TSEN15: variants seen among roughly 807,000 people sequenced by gnomAD.
The protein encoded by TSEN15 is tRNA-splicing endonuclease subunit Sen15.
In TSEN15, 10 loss-of-function variants were observed where a neutral mutation model predicts 20.5. The ratio of observed to expected loss-of-function variants is 0.49; its 90% CI spans 0.30 to 0.83. TSEN15 has a LOEUF of 0.83. Ranked by LOEUF, TSEN15 falls within the 40% of genes least tolerant of loss-of-function variation. The pLI is 0.06. For synonymous variants in TSEN15, 72 were observed against 80.1 expected (o/e 0.90, Z 0.54); for missense variants, 180 against 218.6 (o/e 0.82, Z 1.11).
chr1:184,072,848 C>T lies in TSEN15; in HGVS notation c.*1C>T, dbSNP rs1470978777. 6.2e-6 allele frequency: 10 copies of T among 1,605,164 alleles called. No individual in the cohort carries two copies. The highest frequency in any genetic ancestry group is 3.3e-4 in the Middle Eastern group (2 of 6,014). On this transcript the variant is annotated 3_prime_UTR_variant, in exon 5 of 5. Transcript: ENST00000645668. ...CCAGAATATTTCTCTTAGAAGATGA[C>T]ATCCATGTTTCCTGATGCTTGTTTT...
At chr1:184,051,990 G>T in intron 1 of TSEN15, 100 bp downstream of exon 1, 1 of 1,218,068 alleles carries the variant, frequency 8.2e-7, no homozygotes, top group Non-Finnish European at 1.1e-6. Flanking sequence ...GGGAGACTGA[G>T]GACGCGCGCC....
At chr1:184,083,562 T>C (rs544546697) in intron 3 of TSEN15, among the ~76,000 whole-genome samples, 1 of 152,334 alleles carries the variant, frequency 6.6e-6, no homozygotes, top group South Asian at 2.1e-4. Context: ...TATACAATTA[T>C]TGTGGATTGT....
chr1:184,064,149 A>G (rs1484747735), intron 3 of TSEN15, among the ~76,000 whole-genome samples: 1 of 152,144 alleles, frequency 6.6e-6, no homozygotes, highest in Non-Finnish European at 1.5e-5. Context: ...TGATAAACGT[A>G]ATGACAGATA....
chr1:184,083,331 C>G (rs140599711), intron 3 of TSEN15, among the ~76,000 whole-genome samples: 194 of 152,310 alleles, frequency 1.3e-3, no homozygotes, highest in African/African-American at 4.4e-3. Context: ...TACAAGATCC[C>G]TTATATTTTG....
intron 3 of TSEN15, among the ~76,000 whole-genome samples, chr1:184,090,667 C>T (rs1050466895): frequency 3.9e-5 from 6 of 152,132 alleles, no homozygotes; most frequent in Non-Finnish European, 7.4e-5. Context: ...AAATTTTGCT[C>T]TTATCTTGTC....
intron 3 of TSEN15, among the ~76,000 whole-genome samples, chr1:184,065,446 T>C (rs565702869): frequency 3.3e-5 from 5 of 152,362 alleles, no homozygotes; most frequent in Admixed American, 3.3e-4. Context: ...AAATGCATAA[T>C]GTCATGTATT....
chr1:184,069,614 G>GT (rs1009137693), intron 3 of TSEN15, among the ~76,000 whole-genome samples: 4 of 151,976 alleles, frequency 2.6e-5, no homozygotes, highest in African/African-American at 9.7e-5. Flanking sequence ...ATCATATGTG[G>GT]TTTTTTAAGA....
chr1:184,072,792 G>A lies in TSEN15; in HGVS notation c.496-35G>A, dbSNP rs138244310. The A allele has an allele frequency of 1.5e-3, 2,323 of 1,585,260 alleles. 14 individuals are homozygous for A. Among genetic ancestry groups the A allele is most frequent in the African/African-American group, 7.1e-3 (523 of 73,496 alleles). On this transcript the variant is annotated intron_variant, in intron 4 of 4. Coordinates refer to ENST00000645668, the MANE Select transcript of TSEN15 (RefSeq NM_052965.4). ...TTGCTTTTGGATTACATTGTTTATC[G>A]GAGAAAAGTCCATCCTGATCTTTTT...
At chr1:184,087,721 C>A (rs1209765770) in intron 3 of TSEN15, among the ~76,000 whole-genome samples, 1 of 152,158 alleles carries the variant, frequency 6.6e-6, no homozygotes, top group Non-Finnish European at 1.5e-5. Context: ...TAGTAGGTCC[C>A]ATGACCATTT....
downstream of TSEN15, among the ~76,000 whole-genome samples, chr1:184,078,730 A>T (rs1392269948): frequency 2.0e-5 from 3 of 152,212 alleles, no homozygotes; most frequent in Non-Finnish European, 4.4e-5. Flanking sequence ...CAAATTTACA[A>T]TTAGAATAGA....
At position 184,073,908 on chromosome 1, in the gene TSEN15, C is replaced by T. The variant is rs113874303; in HGVS notation, c.*1061C>T. ...AATGTGGTGCCATAGTTTGTCATCCCTGGGTCTAGGAAATAGTCAATAAAC... is the reference window on the plus strand; with the variant it reads ...AATGTGGTGCCATAGTTTGTCATCCTTGGGTCTAGGAAATAGTCAATAAAC... On this transcript the variant is annotated 3_prime_UTR_variant, in exon 5 of 5. Coordinates refer to ENST00000645668, the MANE Select transcript of TSEN15 (RefSeq NM_052965.4). 2 of 152,064 alleles carry T rather than the reference C, an allele frequency of 1.3e-5. No homozygotes were observed. Among genetic ancestry groups the T allele is most frequent in the African/African-American group, 4.8e-5 (2 of 41,404 alleles). The allele number at this position is 152,064 out of a possible 1,614,324, so 9.4% of individuals were successfully genotyped here.
chr1:184,053,684 C>G (rs146447295), intron 1 of TSEN15, among the ~76,000 whole-genome samples: 307 of 152,254 alleles, frequency 2.0e-3, no homozygotes, highest in Admixed American at 5.1e-3. Flanking sequence ...AAAGTATTCC[C>G]CTTATGCTGA....
chr1:184,096,799 C>G (rs1358103073), exon 4 of TSEN15: 1 of 152,252 alleles, frequency 6.6e-6, no homozygotes, highest in African/African-American at 2.4e-5. Context: ...AAAACTCCCC[C>G]TTATAATAAC....
chr1:184,086,245 A>C (rs1057104343), intron 3 of TSEN15, among the ~76,000 whole-genome samples: 1 of 152,222 alleles, frequency 6.6e-6, no homozygotes, highest in Non-Finnish European at 1.5e-5. Flanking sequence ...TTATGGACAC[A>C]TGGGAATTGG....
At chr1:184,052,012 G>C (rs1423332380) in intron 1 of TSEN15, 122 bp downstream of exon 1, 1 of 1,090,292 alleles carries the variant, frequency 9.2e-7, no homozygotes, top group East Asian at 3.2e-5. Context: ...CCCTCACCGA[G>C]GGGGACCGGT....
At chr1:184,067,201 A>G (rs1171521073) in intron 3 of TSEN15, among the ~76,000 whole-genome samples, 1 of 152,070 alleles carries the variant, frequency 6.6e-6, no homozygotes, top group Non-Finnish European at 1.5e-5. Context: ...AACCCTGTCA[A>G]TTCCTTAAAA....
Position 184,051,740 on chromosome 1 carries a change from C to G in TSEN15, c.-16C>G, listed in dbSNP as rs571332428. ...CGCGGGTCGTGGTGCACCACGGGAG[C>G]GCCGCACCGGCCGGCATGGAGGAGC... is the stretch of plus-strand genomic sequence containing the variant. On this transcript the variant is annotated 5_prime_UTR_variant, in exon 1 of 5. Transcript: ENST00000645668. The G allele has an allele frequency of 5.0e-6, 7 of 1,411,732 alleles. No homozygotes were observed. In the East Asian group the frequency reaches 1.8e-4, roughly 35 times the overall value. 87.5% of individuals were successfully genotyped at this position (1,411,732 alleles called of 1,614,324 possible).
At chr1:184,074,973 T>G (rs1651028030), downstream of TSEN15, among the ~76,000 whole-genome samples, 1 of 152,146 alleles carries the variant, frequency 6.6e-6, no homozygotes, top group Non-Finnish European at 1.5e-5. Flanking sequence ...TGATAAATTC[T>G]TAGGGTCTCT....
At chr1:184,071,989 G>C in intron 3 of TSEN15, 168 bp from the exon 4 acceptor site, 1 of 537,308 alleles carries the variant, frequency 1.9e-6, no homozygotes, top group Non-Finnish European at 3.1e-6. Flanking sequence ...GAACTTATTT[G>C]ATACTATACC....
Sources: gnomAD v4.1 joint callset for allele counts (sites outside exome capture counted in the v4.1 genomes callset) on GRCh38, gnomAD v4.1.1 for gene constraint, MANE v1.5 for transcripts, NCBI Gene and HGNC (gene_info 2026-07-23, HGNC 2026-07-21) for gene names.